ELAPOR1: variants seen among roughly 807,000 people sequenced by gnomAD.
ELAPOR1 encodes the protein endosome-lysosome associated apoptosis and autophagy regulator 1.
Under a neutral mutation model 119.7 loss-of-function variants are expected in ELAPOR1, and 77 were observed. That is an observed-to-expected ratio of 0.64 (90% CI 0.54 to 0.78). The LOEUF (loss-of-function observed/expected upper bound fraction) is 0.78, where lower values mean the gene tolerates loss of function less well. ELAPOR1 is among the 30% of genes least tolerant of loss of function. ELAPOR1 has a pLI of 0.00. For missense variants in ELAPOR1, 1,115 were observed against 1,270.4 expected (o/e 0.88, Z 1.86); for synonymous variants, 481 against 487.2 (o/e 0.99, Z 0.17).
chr1:109,144,052 TA>T (rs1320380619), intron 1 of ELAPOR1, among the ~76,000 whole-genome samples: 109 of 45,986 alleles, frequency 2.4e-3, no homozygotes, highest in Non-Finnish European at 4.4e-3. Flanking sequence ...TATATATATA[TA>T]TTTATATATT....
chr1:109,153,972 C>T (rs990065066), intron 1 of ELAPOR1, among the ~76,000 whole-genome samples: 20 of 151,898 alleles, frequency 1.3e-4, no homozygotes, highest in Non-Finnish European at 2.2e-4. Flanking sequence ...TTATTTTTAA[C>T]TAAGATGTGC....
At chr1:109,177,356 C>CA in intron 7 of ELAPOR1, among the ~76,000 whole-genome samples, 1 of 122,950 alleles carries the variant, frequency 8.1e-6, no homozygotes, top group Middle Eastern at 4.2e-3. Flanking sequence ...GGCTGCCGGG[C>CA]GGAGGGGCTC....
At chr1:109,138,589 C>CAGCAGG (rs1384540744) in intron 1 of ELAPOR1, among the ~76,000 whole-genome samples, 9 of 152,150 alleles carry the variant, frequency 5.9e-5, no homozygotes, top group African/African-American at 2.2e-4. Flanking sequence ...GCAGCAGCAG[C>CAGCAGG]AGCAGGCTAA....
intron 7 of ELAPOR1, 67 bp from the exon 8 acceptor site, chr1:109,184,978 A>G (rs990326549): frequency 8.0e-6 from 10 of 1,242,658 alleles, no homozygotes; most frequent in Non-Finnish European, 1.1e-5. Flanking sequence ...TCACAGGGCC[A>G]TGAAGAGGCC....
chr1:109,140,843 T>C (rs1253281883), intron 1 of ELAPOR1, among the ~76,000 whole-genome samples: 1 of 152,196 alleles, frequency 6.6e-6, no homozygotes, highest in African/African-American at 2.4e-5. Context: ...TTCAAATGCA[T>C]TTTATTTTAT....
At chr1:109,136,338 G>C (rs1256696760) in intron 1 of ELAPOR1, among the ~76,000 whole-genome samples, 1 of 152,186 alleles carries the variant, frequency 6.6e-6, no homozygotes, top group Non-Finnish European at 1.5e-5. Context: ...GAGAGTTGGA[G>C]TTATGCTGCC....
Position 109,144,061 on chromosome 1 carries a change from A to ATTTTTTTTTTTTT in ELAPOR1, c.154-17830_154-17818dup, listed in dbSNP as rs71069655. Among the ~76,000 whole-genome samples, 110 of 88,966 alleles carry ATTTTTTTTTTTTT rather than the reference A, an allele frequency of 1.2e-3. 4 individuals are homozygous for ATTTTTTTTTTTTT. The highest frequency in any genetic ancestry group is 5.3e-3 in the South Asian group (15 of 2,836). 58.4% of individuals were successfully genotyped at this position (88,966 alleles called of 152,430 possible). The stretch of plus-strand genomic sequence containing the variant: ...TATATATATATATATATATTTATAT[A>ATTTTTTTTTTTTT]TTTTTTTTTTTTTTTGAGATGGAGT... On this transcript the variant is annotated intron_variant, in intron 1 of 21. Transcript: ENST00000369939.
chr1:109,172,538 G>T lies in ELAPOR1; in HGVS notation c.666G>T (p.Lys222Asn), dbSNP rs1651986391. ...ATGCAGATGACTCCAGGTGGATGAA[G>T]ACCACAGAGAAAGGATGGGAATTCC... ...QPNADDSRWM[K>N]TTEKGWEFHS... Residue 222 changes from lysine (K) to asparagine (N), a missense_variant, in exon 5 of 22, where the codon AAG (lysine) becomes AAT (asparagine). Lys to Asn is a moderately conservative substitution (Grantham distance 94). Transcript: ENST00000369939. 6 of 1,613,776 alleles carry T rather than the reference G, an allele frequency of 3.7e-6. No homozygotes were observed. Among genetic ancestry groups the T allele is most frequent in the Non-Finnish European group, 5.1e-6 (6 of 1,179,742 alleles).
At chr1:109,183,582 T>C (rs145205397) in intron 7 of ELAPOR1, among the ~76,000 whole-genome samples, 1 of 3,298 alleles carries the variant, frequency 3.0e-4, no homozygotes, top group African/African-American at 3.5e-4. Context: ...CCTTCCTTCC[T>C]TCCTTCCTTC....
rs138448749 is a variant in ELAPOR1, at chr1:109,116,243, A to G, written c.153+1907A>G. On this transcript the variant is annotated intron_variant, in intron 1 of 21. Transcript: ENST00000369939. ...TGTAAGCTTAAGGTAGTGGAAAGCT[A>G]TGGAGCTCAACCTACCAGGGTTTCA... Among the ~76,000 whole-genome samples the G allele has an allele frequency of 5.4e-4, 83 of 152,356 alleles. 1 individual carries two copies. Among genetic ancestry groups the G allele is most frequent in the African/African-American group, 1.9e-3 (79 of 41,590 alleles).
At position 109,164,558 on chromosome 1, in the gene ELAPOR1, G is replaced by A. The variant is rs1321557702; in HGVS notation, c.334G>A (p.Ala112Thr). The A allele has an allele frequency of 2.5e-6, 4 of 1,614,188 alleles. No homozygotes were observed. The highest frequency in any genetic ancestry group is 1.1e-5 in the South Asian group (1 of 91,086). Residue 112 changes from alanine (A) to threonine (T), a missense_variant, in exon 3 of 22, where the codon GCT becomes ACT. Ala to Thr is a moderately conservative substitution (Grantham distance 58). Coordinates refer to ENST00000369939, the MANE Select transcript of ELAPOR1 (RefSeq NM_020775.5). ...DMKDQSCKPCAEGRYSLGTGI... is the reference protein window; with the variant it reads ...DMKDQSCKPCTEGRYSLGTGI... ...GAAGGACCAGTCATGTAAGCCATGC[G>A]CTGAGGGCCGCTACTCCCTCGGCAC... is the stretch of plus-strand genomic sequence containing the variant.
intron 3 of ELAPOR1, among the ~76,000 whole-genome samples, chr1:109,168,266 G>T (rs1271884171): frequency 2.0e-5 from 3 of 152,026 alleles, no homozygotes; most frequent in Admixed American, 2.0e-4. Context: ...TTATCATCCT[G>T]CATTTCTCCA....
chr1:109,202,293 T>C (rs1181095550), intron 21 of ELAPOR1, among the ~76,000 whole-genome samples: 5 of 151,324 alleles, frequency 3.3e-5, no homozygotes, highest in African/African-American at 1.2e-4. Context: ...TTTTTTTTTG[T>C]ATTTTTAGTA....
intron 15 of ELAPOR1, among the ~76,000 whole-genome samples, chr1:109,195,066 C>T (rs598875): frequency 0.66 from 100,693 of 151,896 alleles, 36,371 homozygotes; most frequent in East Asian, 0.97. Flanking sequence ...GCTGAGATTG[C>T]GCCATTGCAC....
Position 109,164,657 on chromosome 1 carries a change from G to A in ELAPOR1, c.433G>A (p.Asp145Asn), listed in dbSNP as rs751326461. 1 of 1,614,212 alleles carries A rather than the reference G, an allele frequency of 6.2e-7. No individual in the cohort carries two copies. The highest frequency in any genetic ancestry group is 8.5e-7 in the Non-Finnish European group (1 of 1,180,018). ...ASLSANMELDDSAAESTGNCT... is the reference protein window; with the variant it reads ...ASLSANMELDNSAAESTGNCT... ...CCTCTCAGCCAACATGGAGCTGGAT[G>A]ACAGTGCTGCTGAGTCCACCGGGAA... The change falls in exon 3 of 22, where the codon GAC becomes AAC. Residue 145 changes from aspartate (D) to asparagine (N), a missense_variant. By Grantham distance (23) the Asp-to-Asn change is conservative. Coordinates refer to ENST00000369939, the MANE Select transcript of ELAPOR1 (RefSeq NM_020775.5).
At chr1:109,162,093 G>A (rs1651303153) in intron 2 of ELAPOR1, 79 bp downstream of exon 2, 1 of 1,492,390 alleles carries the variant, frequency 6.7e-7, no homozygotes, top group African/African-American at 1.4e-5. Flanking sequence ...TCCAATCTGG[G>A]CCCTTCCTGG....
At position 109,189,593 on chromosome 1, in the gene ELAPOR1, C is replaced by T; in HGVS notation, c.1350C>T (p.Gly450=). ...GINFEYKGMT[G]WEVAGDHIYT... ...TTAACTCTCCTCTTTCCTTTTCAGG[C>T]TGGGAGGTGGCTGGTGATCACATTT... The change falls in exon 11 of 22, where the codon GGC becomes GGT. Residue 450 remains glycine, a splice_region_variant and synonymous_variant. Transcript: ENST00000369939. 8 of 1,613,776 alleles carry T rather than the reference C, an allele frequency of 5.0e-6. No homozygotes were observed. The highest frequency in any genetic ancestry group is 5.1e-6 in the Non-Finnish European group (6 of 1,179,732).
At chr1:109,192,544 T>C (rs1020639929) in intron 13 of ELAPOR1, 67 bp from the exon 14 acceptor site, 1 of 1,522,094 alleles carries the variant, frequency 6.6e-7, no homozygotes, top group Non-Finnish European at 9.0e-7. Flanking sequence ...TTGCTCTTTC[T>C]AGAGGCCTCA....
At chr1:109,121,232 C>T (rs887008848) in intron 1 of ELAPOR1, among the ~76,000 whole-genome samples, 2 of 151,738 alleles carry the variant, frequency 1.3e-5, no homozygotes, top group Admixed American at 6.6e-5. Context: ...CTGCAACCTC[C>T]GCCTCCCAGG....
Sources: allele counts gnomAD v4.1 joint callset (sites outside exome capture counted in the v4.1 genomes callset), GRCh38; gene constraint gnomAD v4.1.1; transcripts MANE v1.5; gene names NCBI Gene and HGNC (gene_info 2026-07-23, HGNC 2026-07-21).